Variants in ZNF793 observed in about 807,000 individuals in gnomAD.
ZNF793 encodes zinc finger protein 793.
Under a neutral mutation model 12.4 loss-of-function variants are expected in ZNF793, and 5 were observed. That is an observed-to-expected ratio of 0.40 (90% CI 0.21 to 0.84). The LOEUF (loss-of-function observed/expected upper bound fraction) is 0.84, where lower values mean the gene tolerates loss of function less well. Ranked by LOEUF, ZNF793 falls within the 40% of genes least tolerant of loss-of-function variation. The probability of loss-of-function intolerance (pLI) is 0.35; values close to 1 mark genes in which losing one functional copy is unlikely to be tolerated. For synonymous variants in ZNF793, 162 were observed against 172.4 expected, an observed-to-expected ratio of 0.94 and a Z score of 0.47; for missense variants, 456 against 495.0, an observed-to-expected ratio of 0.92 and a Z score of 0.75.
chr19:37,521,956 A>G (rs1858643494), intron 3 of ZNF793, among the ~76,000 whole-genome samples: 1 of 152,134 alleles, frequency 6.6e-6, no homozygotes, highest in South Asian at 2.1e-4. Context: ...ACTTAAGACT[A>G]ACTTGCAGAC....
At chr19:37,521,710 T>C (rs1040663425) in intron 3 of ZNF793, among the ~76,000 whole-genome samples, 4 of 152,104 alleles carry the variant, frequency 2.6e-5, no homozygotes, top group Non-Finnish European at 5.9e-5. Flanking sequence ...CCCAAAGTGC[T>C]GGGATTATAG....
chr19:37,533,694 A>G (rs2042480841), intron 7 of ZNF793: 1 of 486,056 alleles, frequency 2.1e-6, no homozygotes, highest in African/African-American at 2.0e-5. Context: ...CCTGCTTCCT[A>G]TTCTCTGTTG....
intron 2 of ZNF793, among the ~76,000 whole-genome samples, chr19:37,513,142 A>G (rs1185131560): frequency 6.6e-6 from 1 of 152,148 alleles, no homozygotes; most frequent in Non-Finnish European, 1.5e-5. Context: ...GTTAGCTTTG[A>G]TCACTTGATC....
At chr19:37,530,400 CG>C (rs1269447745) in intron 5 of ZNF793, among the ~76,000 whole-genome samples, 1 of 152,018 alleles carries the variant, frequency 6.6e-6, no homozygotes, top group Non-Finnish European at 1.5e-5. Context: ...CCCACGAGGC[CG>C]TATTTCAGAC....
chr19:37,536,908 C>T lies in ZNF793; in HGVS notation c.250C>T (p.Arg84Ter), dbSNP rs376195372. 5.6e-6 allele frequency: 9 copies of T among 1,605,086 alleles called. No homozygotes were observed. The highest frequency in any genetic ancestry group is 5.4e-5 in the African/African-American group (4 of 74,278). Residue 84 changes from arginine to a stop codon, truncating the protein, a stop_gained, in exon 8 of 8, where the codon CGA becomes TGA. Coordinates refer to ENST00000627814, the MANE Select transcript of ZNF793 (RefSeq NM_001013659.3). LOFTEE classifies it low-confidence loss of function (END_TRUNC). ...TGTACTTTCTCCAGAAGACATCTGG[C>T]GAGTTAATATCCAGAGGAAAAGACG... ...PGCHCWEDIWRVNIQRKRRQD... is the reference protein window; with the variant it reads ...PGCHCWEDIW
At chr19:37,531,171 G>GTTTTTT (rs34781214) in intron 5 of ZNF793, among the ~76,000 whole-genome samples, 1 of 149,912 alleles carries the variant, frequency 6.7e-6, no homozygotes. Flanking sequence ...TTTTTTGTTT[G>GTTTTTT]TTTTTTTTTG....
At position 37,541,728 on chromosome 19, in the gene ZNF793, G is replaced by GAATCTTTTGGTAC. The variant is rs2042553261; in HGVS notation, c.*3860_*3872dup. 6.6e-6 allele frequency: 1 copy of GAATCTTTTGGTAC among 152,102 alleles called. No individual in the cohort carries two copies. 9.4% of individuals were successfully genotyped at this position (152,102 alleles called of 1,614,324 possible). A position where few individuals can be genotyped will look rare whatever the true frequency, so the allele number is the denominator to read the frequency against. On this transcript the variant is annotated 3_prime_UTR_variant, in exon 8 of 8. Transcript: ENST00000627814. ...AAGGAAACAAACATTTGACTACGTA[G>GAATCTTTTGGTAC]AATCTTTTGGTACAATCTTTTGGGT...
Position 37,537,949 on chromosome 19 carries a change from T to TC in ZNF793, c.*71dup. ...TTTTTTGAGTTGGAATCTCACTTTG[T>TC]CACCCAGGCTGGAGTGCAGTGGCGC... On this transcript the variant is annotated 3_prime_UTR_variant, in exon 8 of 8. Transcript: ENST00000627814. The TC allele has an allele frequency of 6.9e-7, 1 of 1,442,116 alleles. No individual in the cohort carries two copies. Among genetic ancestry groups the TC allele is most frequent in the Non-Finnish European group, 9.1e-7 (1 of 1,099,856 alleles). The allele number at this position is 1,442,116 out of a possible 1,614,324, so 89.3% of individuals were successfully genotyped here.
chr19:37,515,498 C>T (rs946300097), intron 2 of ZNF793, among the ~76,000 whole-genome samples: 7 of 152,132 alleles, frequency 4.6e-5, no homozygotes, highest in South Asian at 4.1e-4. Flanking sequence ...TTAGTAGAGA[C>T]GGGGTTTCAC....
At chr19:37,515,038 A>G (rs983706262) in intron 2 of ZNF793, among the ~76,000 whole-genome samples, 1 of 152,260 alleles carries the variant, frequency 6.6e-6, no homozygotes, top group African/African-American at 2.4e-5. Flanking sequence ...ACGTAATGGC[A>G]GAACTCTGCT....
At chr19:37,536,237 T>G in intron 7 of ZNF793, 25 of 388,104 alleles carry the variant, frequency 6.4e-5, no homozygotes, top group East Asian at 1.5e-4. Flanking sequence ...TAGCCCAACA[T>G]GATATTCCCT....
intron 7 of ZNF793, chr19:37,533,664 G>T (rs2042480602): frequency 3.9e-6 from 2 of 510,124 alleles, no homozygotes; most frequent in Non-Finnish European, 6.9e-6. Flanking sequence ...ACAAATAAAA[G>T]CTTCTATGAT....
At position 37,520,220 on chromosome 19, in the gene ZNF793, A is replaced by G. The variant is rs1246152462; in HGVS notation, c.-239A>G. 2.0e-5 allele frequency: 3 copies of G among 152,368 alleles called. No individual in the cohort carries two copies. Among genetic ancestry groups the G allele is most frequent in the Non-Finnish European group, 4.4e-5 (3 of 68,202 alleles). The allele number at this position is 152,368 out of a possible 1,614,324, so 9.4% of individuals were successfully genotyped here. ...GCCCTGCAGACCTTTGGATCCTGCCACCTTGCTGGACGGGAGGGCTCTCTA... is the reference window on the plus strand; with the variant it reads ...GCCCTGCAGACCTTTGGATCCTGCCGCCTTGCTGGACGGGAGGGCTCTCTA... On this transcript the variant is annotated 5_prime_UTR_variant, in exon 3 of 8. Transcript: ENST00000627814.
At chr19:37,526,426 T>C (rs2042416613) in intron 5 of ZNF793, among the ~76,000 whole-genome samples, 1 of 152,162 alleles carries the variant, frequency 6.6e-6, no homozygotes, top group African/African-American at 2.4e-5. Context: ...ACTTCAGTGA[T>C]TGCTGCCTCT....
Position 37,537,031 on chromosome 19 carries a change from C to G in ZNF793, c.373C>G (p.Leu125Val), listed in dbSNP as rs778220088. ...EYNKFGKISL[L>V]STDLFSSIQS... ...TAATAAGTTTGGGAAAATATCACTTCTGAGCACTGATCTTTTTTCTTCAAT... is the reference window on the plus strand; with the variant it reads ...TAATAAGTTTGGGAAAATATCACTTGTGAGCACTGATCTTTTTTCTTCAAT... Residue 125 changes from leucine (L) to valine (V), a missense_variant, in exon 8 of 8, where the codon CTG becomes GTG. Transcript: ENST00000627814. The G allele has an allele frequency of 6.2e-7, 1 of 1,613,944 alleles. No individual in the cohort carries two copies. The highest frequency in any genetic ancestry group is 1.3e-5 in the African/African-American group (1 of 75,062).
In ZNF793 at chr19:37,538,849, A is replaced by G. The variant is rs144924173; in HGVS notation, c.*970A>G. The G allele has an allele frequency of 1.1e-4, 17 of 152,386 alleles. No homozygotes were observed. In the East Asian group the frequency reaches 2.9e-3, roughly 26 times the overall value. 9.4% of individuals were successfully genotyped at this position (152,386 alleles called of 1,614,324 possible). ...GGAGTTGTAAATGTGAAATTAACAT[A>G]AAATGTGAATATCAGACACATGTCA... On this transcript the variant is annotated 3_prime_UTR_variant, in exon 8 of 8. Coordinates refer to ENST00000627814, the MANE Select transcript of ZNF793 (RefSeq NM_001013659.3).
intron 5 of ZNF793, among the ~76,000 whole-genome samples, chr19:37,532,016 T>A (rs903571627): frequency 3.2e-4 from 22 of 68,886 alleles, no homozygotes; most frequent in East Asian, 2.4e-3. Context: ...TTGCACAAAA[T>A]TTTTTTTTTT....
At position 37,515,292 on chromosome 19, in the gene ZNF793, C is replaced by A. The variant is rs79889680; in HGVS notation, c.-275-4892C>A. Among the ~76,000 whole-genome samples, 1,212 of 151,912 alleles carry A rather than the reference C, an allele frequency of 8.0e-3. 14 individuals carry two copies. The highest frequency in any genetic ancestry group is 0.017 in the Middle Eastern group (5 of 294). ...TGACTGTAGGAAAATGGATTAATGA[C>A]TTTTTTCTTTTTTTCTTTTTTCTTT... On this transcript the variant is annotated intron_variant, in intron 2 of 7. Transcript: ENST00000627814.
At chr19:37,517,087 G>A (rs1326126241) in intron 2 of ZNF793, among the ~76,000 whole-genome samples, 1 of 152,176 alleles carries the variant, frequency 6.6e-6, no homozygotes, top group Non-Finnish European at 1.5e-5. Context: ...ACTTCATCAG[G>A]ATAGGTGGCA....
Sources: allele counts gnomAD v4.1 joint callset (sites outside exome capture counted in the v4.1 genomes callset), GRCh38; gene constraint gnomAD v4.1.1; transcripts MANE v1.5; gene names NCBI Gene and HGNC (gene_info 2026-07-23, HGNC 2026-07-21).